Variants in HIVEP2 observed in about 807,000 individuals in gnomAD.
HIVEP2 encodes the protein transcription factor HIVEP2.
In HIVEP2, 14 loss-of-function variants were observed where a neutral mutation model predicts 180.7. The ratio of observed to expected loss-of-function variants is 0.08; its 90% CI spans 0.05 to 0.12. HIVEP2 has a LOEUF of 0.12. HIVEP2 is among the 10% of genes least tolerant of loss of function. HIVEP2 has a pLI of 1.00. For missense variants in HIVEP2, 2,579 were observed against 3,008.5 expected, an observed-to-expected ratio of 0.86 and a Z score of 3.34; for synonymous variants, 1,184 against 1,136.4, an observed-to-expected ratio of 1.04 and a Z score of -0.84.
chr6:142,823,702 C>T (rs984198029), intron 2 of HIVEP2, among the ~76,000 whole-genome samples: 6 of 152,134 alleles, frequency 3.9e-5, no homozygotes, highest in South Asian at 2.1e-4. Context: ...AAGAGTGTTT[C>T]GCAATTAAAC....
intron 1 of HIVEP2, among the ~76,000 whole-genome samples, chr6:142,853,644 A>G (rs1018642829): frequency 5.3e-5 from 8 of 152,192 alleles, no homozygotes; most frequent in African/African-American, 1.9e-4. Flanking sequence ...AATTGAGTCA[A>G]TAGGATATGA....
chr6:142,925,815 G>A (rs773166337), intron 1 of HIVEP2, among the ~76,000 whole-genome samples: 1 of 152,174 alleles, frequency 6.6e-6, no homozygotes, highest in Non-Finnish European at 1.5e-5. Flanking sequence ...AGGTTTACTA[G>A]AAACTACTAA....
At chr6:142,825,967 A>C (rs1284804217) in intron 2 of HIVEP2, among the ~76,000 whole-genome samples, 6 of 152,248 alleles carry the variant, frequency 3.9e-5, no homozygotes, top group Non-Finnish European at 8.8e-5. Flanking sequence ...ATAAATTTAA[A>C]ATAAAGCAAT....
At chr6:142,780,499 C>G (rs1663358417) in intron 3 of HIVEP2, among the ~76,000 whole-genome samples, 1 of 152,186 alleles carries the variant, frequency 6.6e-6, no homozygotes, top group South Asian at 2.1e-4. Flanking sequence ...AAAATCACGT[C>G]TCTTCTTGGA....
At chr6:142,782,247 A>G (rs1448295816) in intron 3 of HIVEP2, among the ~76,000 whole-genome samples, 1 of 152,230 alleles carries the variant, frequency 6.6e-6, no homozygotes, top group Non-Finnish European at 1.5e-5. Context: ...TTAGTGAATG[A>G]CATTTTAGAA....
At chr6:142,794,574 C>T (rs1000386694) in intron 2 of HIVEP2, among the ~76,000 whole-genome samples, 2 of 152,132 alleles carry the variant, frequency 1.3e-5, no homozygotes, top group African/African-American at 4.8e-5. Flanking sequence ...TAAGGAACTG[C>T]TTAAGAATAA....
At chr6:142,845,268 T>A (rs1775477842) in intron 1 of HIVEP2, among the ~76,000 whole-genome samples, 1 of 152,180 alleles carries the variant, frequency 6.6e-6, no homozygotes, top group Non-Finnish European at 1.5e-5. Context: ...AGTAATCCTA[T>A]TAAGGCACAG....
chr6:142,812,390 T>G (rs1341473920), intron 2 of HIVEP2, among the ~76,000 whole-genome samples: 1 of 152,180 alleles, frequency 6.6e-6, no homozygotes, highest in Non-Finnish European at 1.5e-5. Flanking sequence ...AGAAAGGTCT[T>G]GCCTTGATAG....
intron 1 of HIVEP2, among the ~76,000 whole-genome samples, chr6:142,877,518 A>G (rs1477205554): frequency 6.6e-6 from 1 of 152,212 alleles, no homozygotes; most frequent in African/African-American, 2.4e-5. Context: ...TAGGATTTAC[A>G]CATCTTGTTC....
At chr6:142,914,746 T>C (rs757770337) in intron 1 of HIVEP2, among the ~76,000 whole-genome samples, 2 of 152,216 alleles carry the variant, frequency 1.3e-5, no homozygotes, top group Non-Finnish European at 2.9e-5. Flanking sequence ...AAATATCTAA[T>C]ATTCTTTCCA....
rs182090851 is a variant in HIVEP2 at position 142,910,541 on chromosome 6, G to A, written c.-641+34558C>T. On this transcript the variant is annotated intron_variant, in intron 1 of 9. Transcript: ENST00000367603. Reference sequence around the variant, plus strand: ...TGTTTGAACCCGGCAGGCAGAGGTTGCAGTGAGCCAAGATTGTGCCACTGC... The same window carrying A: ...TGTTTGAACCCGGCAGGCAGAGGTTACAGTGAGCCAAGATTGTGCCACTGC... Among the ~76,000 whole-genome samples the A allele has an allele frequency of 7.2e-5, 11 of 152,372 alleles. No individual in the cohort carries two copies. In the East Asian group the frequency reaches 2.1e-3, roughly 29 times the overall value.
intron 1 of HIVEP2, among the ~76,000 whole-genome samples, chr6:142,921,376 T>C (rs1484979315): frequency 6.6e-6 from 1 of 152,114 alleles, no homozygotes; most frequent in Non-Finnish European, 1.5e-5. Flanking sequence ...CTCTATTAAA[T>C]ATACAAAAAT....
intron 2 of HIVEP2, among the ~76,000 whole-genome samples, chr6:142,798,164 G>C (rs887894414): frequency 6.6e-6 from 1 of 151,910 alleles, no homozygotes; most frequent in Non-Finnish European, 1.5e-5. Context: ...CTGATACACA[G>C]AGGAGACAGT....
intron 1 of HIVEP2, among the ~76,000 whole-genome samples, chr6:142,880,505 G>A (rs1047379256): frequency 6.6e-6 from 1 of 152,144 alleles, no homozygotes; most frequent in African/African-American, 2.4e-5. Flanking sequence ...CTCTTCTCAG[G>A]GATCATTACT....
intron 9 of HIVEP2, among the ~76,000 whole-genome samples, chr6:142,758,813 T>C (rs917996701): frequency 1.1e-4 from 17 of 152,126 alleles, no homozygotes; most frequent in Non-Finnish European, 1.9e-4. Context: ...CTCACTTAGC[T>C]CTCCTGATTT....
At chr6:142,794,873 C>T (rs1419320926) in intron 2 of HIVEP2, among the ~76,000 whole-genome samples, 3 of 152,264 alleles carry the variant, frequency 2.0e-5, no homozygotes, top group East Asian at 3.9e-4. Context: ...TCAAATTGAC[C>T]TCTACTTTTA....
At chr6:142,843,111 T>G (rs928631815) in intron 1 of HIVEP2, among the ~76,000 whole-genome samples, 6 of 152,182 alleles carry the variant, frequency 3.9e-5, no homozygotes, top group Admixed American at 3.3e-4. Context: ...TATTTTCACA[T>G]GTAGATGAGT....
At chr6:142,933,030 C>T (rs1181753822) in intron 1 of HIVEP2, among the ~76,000 whole-genome samples, 1 of 152,152 alleles carries the variant, frequency 6.6e-6, no homozygotes, top group Non-Finnish European at 1.5e-5. Context: ...AATTGTATCA[C>T]AATGAAAGGA....
intron 2 of HIVEP2, among the ~76,000 whole-genome samples, chr6:142,830,054 C>T (rs947649107): frequency 7.2e-5 from 11 of 152,180 alleles, no homozygotes; most frequent in Non-Finnish European, 1.6e-4. Flanking sequence ...AAAAACTCCT[C>T]AGTGGATGGG....
Sources: allele counts gnomAD v4.1 joint callset (sites outside exome capture counted in the v4.1 genomes callset), GRCh38; gene constraint gnomAD v4.1.1; transcripts MANE v1.5; gene names NCBI Gene and HGNC (gene_info 2026-07-23, HGNC 2026-07-21).